The following BMAL1 variants were observed in gnomAD, a reference collection of about 807,000 sequenced individuals.
BMAL1 encodes basic helix-loop-helix ARNT like 1.
At chr11:13,283,908 C>T in the BMAL1 span, among the ~76,000 whole-genome samples, 3 of 151,774 alleles carry the variant, frequency 2.0e-5, no homozygotes, top group Admixed American at 1.3e-4. Flanking sequence ...CAGGCAGCTC[C>T]TTGTGTGAGA....
the BMAL1 span, among the ~76,000 whole-genome samples, chr11:13,385,053 C>T: frequency 6.6e-6 from 1 of 152,112 alleles, no homozygotes; most frequent in Non-Finnish European, 1.5e-5. Flanking sequence ...AAACTGTTTC[C>T]TCACGTATAT....
At chr11:13,307,647 C>T in the BMAL1 span, among the ~76,000 whole-genome samples, 1 of 152,216 alleles carries the variant, frequency 6.6e-6, no homozygotes, top group Non-Finnish European at 1.5e-5. Flanking sequence ...ATTGCTTCTT[C>T]AGAAGTGTTA....
At chr11:13,291,988 A>G in the BMAL1 span, among the ~76,000 whole-genome samples, 2 of 152,240 alleles carry the variant, frequency 1.3e-5, no homozygotes, top group African/African-American at 4.8e-5. Flanking sequence ...CCATGGAGAC[A>G]TTAGCCTTGG....
chr11:13,320,663 A>T, the BMAL1 span, among the ~76,000 whole-genome samples: 1 of 152,226 alleles, frequency 6.6e-6, no homozygotes, highest in Non-Finnish European at 1.5e-5. Flanking sequence ...GTCCTCTCTT[A>T]TCTTCCTGCT....
At chr11:13,278,812 A>C in the BMAL1 span, among the ~76,000 whole-genome samples, 4 of 152,232 alleles carry the variant, frequency 2.6e-5, no homozygotes, top group Admixed American at 2.0e-4. Context: ...GATGTCAGGG[A>C]AGAAAAGGTT....
the BMAL1 span, among the ~76,000 whole-genome samples, chr11:13,326,668 C>G: frequency 6.6e-6 from 1 of 151,890 alleles, no homozygotes; most frequent in Non-Finnish European, 1.5e-5. Flanking sequence ...TAACCTTTTT[C>G]ACATTTAGAA....
chr11:13,321,634 A>G, the BMAL1 span, among the ~76,000 whole-genome samples: 1 of 152,274 alleles, frequency 6.6e-6, no homozygotes, highest in South Asian at 2.1e-4. Flanking sequence ...TTTGTAACCC[A>G]CATGGGGCAA....
chr11:13,306,352 GCA>G, the BMAL1 span, among the ~76,000 whole-genome samples: 1 of 152,164 alleles, frequency 6.6e-6, no homozygotes, highest in Admixed American at 6.5e-5. Context: ...CAGTAGAACT[GCA>G]GCAGAAAGAA....
the BMAL1 span, among the ~76,000 whole-genome samples, chr11:13,323,577 A>G: frequency 6.6e-6 from 1 of 152,258 alleles, no homozygotes; most frequent in African/African-American, 2.4e-5. Context: ...TCTTCACATC[A>G]TCTGTTTGCA....
At chr11:13,324,766 G>A in the BMAL1 span, among the ~76,000 whole-genome samples, 26 of 152,250 alleles carry the variant, frequency 1.7e-4, no homozygotes, top group African/African-American at 6.3e-4. Context: ...AACACGAGGT[G>A]GGTGGATGGA....
At chr11:13,277,616 C>T in the BMAL1 span, 1 of 149,972 alleles carries the variant, frequency 6.7e-6, no homozygotes, top group Non-Finnish European at 1.5e-5. Context: ...TGGCTGGGGG[C>T]GGCCGCCGGG....
chr11:13,336,414 G>A, the BMAL1 span, among the ~76,000 whole-genome samples: 2 of 152,032 alleles, frequency 1.3e-5, no homozygotes, highest in African/African-American at 2.4e-5. Flanking sequence ...CCTGCACCTC[G>A]GCCTGAGTCA....
chr11:13,380,979 C>T, the BMAL1 span: 15 of 565,902 alleles, frequency 2.7e-5, 1 homozygote, highest in East Asian at 4.3e-4. Context: ...GCTGCAGAGG[C>T]AGAGTTGAGC....
At chr11:13,316,238 G>A in the BMAL1 span, among the ~76,000 whole-genome samples, 1 of 152,190 alleles carries the variant, frequency 6.6e-6, no homozygotes, top group Non-Finnish European at 1.5e-5. Context: ...TACAGTCAGG[G>A]CCCATGGCCC....
chr11:13,354,579 GAC>G, the BMAL1 span: 1 of 1,306,694 alleles, frequency 7.7e-7, no homozygotes, highest in Non-Finnish European at 1.0e-6. Flanking sequence ...TCTAGGTGGC[GAC>G]ACAGTTGGTT....
the BMAL1 span, among the ~76,000 whole-genome samples, chr11:13,278,331 G>T: frequency 6.6e-6 from 1 of 152,214 alleles, no homozygotes; most frequent in Non-Finnish European, 1.5e-5. Flanking sequence ...TGCCCTTGGG[G>T]GCAGTGACTC....
At chr11:13,334,293 G>T in the BMAL1 span, among the ~76,000 whole-genome samples, 1 of 152,202 alleles carries the variant, frequency 6.6e-6, no homozygotes, top group Non-Finnish European at 1.5e-5. Context: ...AGCCCATGGT[G>T]CACTAGACTT....
At chr11:13,355,195 C>T in the BMAL1 span, 50 of 1,597,988 alleles carry the variant, frequency 3.1e-5, no homozygotes, top group Non-Finnish European at 4.1e-5. Context: ...AGGAGGTATA[C>T]CCCCTACAGC....
At chr11:13,371,133 T>C in the BMAL1 span, among the ~76,000 whole-genome samples, 1 of 152,356 alleles carries the variant, frequency 6.6e-6, no homozygotes, top group Middle Eastern at 3.4e-3. Flanking sequence ...GTCTGATTTG[T>C]TTTTCACTCT....
Sources: gnomAD v4.1 joint callset for allele counts (sites outside exome capture counted in the v4.1 genomes callset) on GRCh38, gnomAD v4.1.1 for gene constraint, MANE v1.5 for transcripts, NCBI Gene and HGNC (gene_info 2026-07-23, HGNC 2026-07-21) for gene names.